HSPG2: variants seen among roughly 807,000 people sequenced by gnomAD.
HSPG2 encodes the protein heparan sulfate proteoglycan 2, also known as basement membrane-specific heparan sulfate proteoglycan core protein.
A neutral mutation model predicts 526.6 loss-of-function variants in HSPG2; 278 were observed. The observed-to-expected ratio is 0.53, with a 90% CI of 0.48 to 0.58. The LOEUF (loss-of-function observed/expected upper bound fraction) is 0.58. HSPG2 is among the 20% of genes least tolerant of loss of function. The pLI, the probability that HSPG2 is intolerant of heterozygous loss-of-function variation, is 0.00. For missense variants in HSPG2, 5,354 were observed against 6,099.5 expected, an observed-to-expected ratio of 0.88 and a Z score of 4.07; for synonymous variants, 2,465 against 2,555.4, an observed-to-expected ratio of 0.96 and a Z score of 1.07.
rs200220279 is a variant in HSPG2 at position 21,890,461 on chromosome 1, G to C, written c.379C>G (p.Pro127Ala). The C allele has an allele frequency of 1.2e-6, 2 of 1,613,844 alleles. No individual in the cohort carries two copies. Among genetic ancestry groups the C allele is most frequent in the Non-Finnish European group, 1.7e-6 (2 of 1,179,970 alleles). Reference protein sequence around the residue: ...DTLESEYLKIPGDQVVSVVFI... With the variant: ...DTLESEYLKIAGDQVVSVVFI... ...ACCACACTGACAACCTGGTCTCCGG[G>C]AATTTTCAAGTACTCCGACTCCAGC... is the stretch of plus-strand genomic sequence containing the variant. Residue 127 changes from proline to alanine, a missense_variant, in exon 5 of 97, where the codon CCC becomes GCC. Transcript: ENST00000374695. This position sits in a 1 kb window ranked among gnomAD's most constrained non-coding sequence, Gnocchi z 4.1.
At chr1:21,837,722 C>T (rs1414362672) in intron 74 of HSPG2, among the ~76,000 whole-genome samples, 1 of 152,208 alleles carries the variant, frequency 6.6e-6, no homozygotes, top group Non-Finnish European at 1.5e-5. Flanking sequence ...CTGATGCATA[C>T]TGTCCCCATT....
At chr1:21,888,719 C>T (rs1419223770) in intron 6 of HSPG2, 1 of 1,364,754 alleles carries the variant, frequency 7.3e-7, no homozygotes, top group East Asian at 4.6e-5. Flanking sequence ...GGGGTCTGTG[C>T]TGGAAAGGAA....
intron 1 of HSPG2, among the ~76,000 whole-genome samples, chr1:21,928,849 A>G (rs762690578): frequency 9.2e-5 from 14 of 151,688 alleles, no homozygotes; most frequent in Non-Finnish European, 1.8e-4. Context: ...TCCCGGGTTC[A>G]AGTGATTCTC....
In HSPG2 at chr1:21,884,582, G is replaced by A. The variant is rs201909485; in HGVS notation, c.1600C>T (p.Arg534Cys). 1.0e-4 allele frequency: 166 copies of A among 1,610,834 alleles called. No individual in the cohort carries two copies. The highest frequency in any genetic ancestry group is 1.6e-4 in the East Asian group (7 of 44,868). ...AGCCTGATCTGGTCCCGGAAGCGGC[G>A]GGTGCTCTGGCACACGCTGGTGATG... ...FGITSVCQST[R>C]RFRDQIRLRF... Residue 534 changes from arginine to cysteine, a missense_variant, in exon 13 of 97, where the codon CGC (arginine) becomes TGC (cysteine). By Grantham distance (180) the Arg-to-Cys change is radical. Transcript: ENST00000374695.
chr1:21,901,116 G>A (rs1315725763), intron 1 of HSPG2, among the ~76,000 whole-genome samples: 1 of 152,050 alleles, frequency 6.6e-6, no homozygotes, highest in African/African-American at 2.4e-5. Context: ...CTGAATTCCA[G>A]AACACATCTG....
In HSPG2 at chr1:21,884,904, C is replaced by A; in HGVS notation, c.1370G>T (p.Ser457Ile). 6.2e-7 allele frequency: 1 copy of A among 1,614,048 alleles called. No homozygotes were observed. The highest frequency in any genetic ancestry group is 1.7e-5 in the Admixed American group (1 of 60,036). ...GATCAGTGTGCCACGGCCACCCTCG[C>A]TGGTCACTGTCACCCTGGTGAGCCC... Reference protein sequence around the residue: ...IPSHPRVTVTSEGGRGTLIIR... With the variant: ...IPSHPRVTVTIEGGRGTLIIR... The change falls in exon 12 of 97, where the codon AGC becomes ATC. Residue 457 changes from serine to isoleucine, a missense_variant. Transcript: ENST00000374695.
intron 1 of HSPG2, among the ~76,000 whole-genome samples, chr1:21,902,661 C>G (rs1643163715): frequency 6.6e-6 from 1 of 152,180 alleles, no homozygotes; most frequent in Non-Finnish European, 1.5e-5. Flanking sequence ...GACCTCTGAC[C>G]CCTTGCCCTC....
intron 1 of HSPG2, chr1:21,908,382 C>T (rs1643492645): frequency 3.7e-6 from 4 of 1,072,222 alleles, no homozygotes; most frequent in African/African-American, 1.6e-5. Flanking sequence ...GTATTGAGCA[C>T]ATTAAGCACT....
intron 9 of HSPG2, among the ~76,000 whole-genome samples, chr1:21,886,877 T>G (rs1247901014): frequency 1.3e-5 from 2 of 152,022 alleles, no homozygotes; most frequent in Non-Finnish European, 2.9e-5. Context: ...CTCCTAGCCA[T>G]TCATCCGACC....
Position 21,859,327 on chromosome 1 carries a change from G to A in HSPG2, c.5293+239C>T, listed in dbSNP as rs939174309. ...CTCCCAAAGTGTTGGGATTATAGAC[G>A]TGACCCACCGTGCCCGGCCCACCCT... is the stretch of plus-strand genomic sequence containing the variant. On this transcript the variant is annotated intron_variant, in intron 42 of 96. Coordinates refer to ENST00000374695, the MANE Select transcript of HSPG2 (RefSeq NM_005529.7). The surrounding 1 kb of genome is among the most constrained non-coding windows in gnomAD (Gnocchi z 5.3). Among the ~76,000 whole-genome samples, 3 of 152,066 alleles carry A rather than the reference G, an allele frequency of 2.0e-5. No homozygotes were observed. Among genetic ancestry groups the A allele is most frequent in the African/African-American group, 4.8e-5 (2 of 41,384 alleles).
rs373557657 is a variant in HSPG2 at position 21,884,730 on chromosome 1, GC to G, written c.1507+36del. 68 of 1,611,580 alleles carry G rather than the reference GC, an allele frequency of 4.2e-5. No homozygotes were observed. The East Asian group carries it at 1.5e-3, about 35-fold the overall frequency. The stretch of plus-strand genomic sequence containing the variant: ...CGGCTGTGGTGGGCAGCCCGGCTCT[GC>G]CCCCACACCCGGTGACACCTGCCCT... On this transcript the variant is annotated intron_variant, in intron 12 of 96. Coordinates refer to ENST00000374695, the MANE Select transcript of HSPG2 (RefSeq NM_005529.7).
chr1:21,891,784 G>T (rs1480392402), intron 3 of HSPG2, among the ~76,000 whole-genome samples: 3 of 152,070 alleles, frequency 2.0e-5, no homozygotes, highest in Non-Finnish European at 4.4e-5. Flanking sequence ...CTAATGTTTT[G>T]ACTTTTGATA....
At chr1:21,878,556 G>C in intron 19 of HSPG2, 21 bp downstream of exon 19, 3 of 1,613,950 alleles carry the variant, frequency 1.9e-6, no homozygotes, top group Non-Finnish European at 2.5e-6. Context: ...CCTTCCTGCA[G>C]CCCCCAAGGC....
chr1:21,828,747 G>A lies in HSPG2; in HGVS notation c.12237+88C>T. On this transcript the variant is annotated intron_variant, in intron 88 of 96. Coordinates refer to ENST00000374695, the MANE Select transcript of HSPG2 (RefSeq NM_005529.7). The surrounding 1 kb of genome is among the most constrained non-coding windows in gnomAD (Gnocchi z 6.0). ...CCCGTGGGTGGCTGCAGGTGGAGGG[G>A]CCCAATGCCAAGGTGCTTGGAGAGC... The A allele has an allele frequency of 1.3e-6, 2 of 1,532,634 alleles. No individual in the cohort carries two copies. Among genetic ancestry groups the A allele is most frequent in the Non-Finnish European group, 1.8e-6 (2 of 1,135,154 alleles). 94.9% of individuals were successfully genotyped at this position (1,532,634 alleles called of 1,614,324 possible). A position where few individuals can be genotyped will look rare whatever the true frequency, so the allele number is the denominator to read the frequency against.
intron 1 of HSPG2, among the ~76,000 whole-genome samples, chr1:21,915,914 GGTGGT>G (rs1327545366): frequency 6.6e-6 from 1 of 151,870 alleles, no homozygotes; most frequent in Non-Finnish European, 1.5e-5. Context: ...AGCTGGGCGT[GGTGGT>G]GTGTGCCTGT....
At position 21,895,792 on chromosome 1, in the gene HSPG2, A is replaced by C; in HGVS notation, c.244+130T>G. The C allele has an allele frequency of 3.6e-6, 3 of 843,496 alleles. No homozygotes were observed. Among genetic ancestry groups the C allele is most frequent in the Non-Finnish European group, 6.0e-6 (3 of 497,226 alleles). 52.3% of individuals were successfully genotyped at this position (843,496 alleles called of 1,614,324 possible). A position where few individuals can be genotyped will look rare whatever the true frequency, so the allele number is the denominator to read the frequency against. On this transcript the variant is annotated intron_variant, in intron 3 of 96. Transcript: ENST00000374695. The surrounding 1 kb of genome is among the most constrained non-coding windows in gnomAD (Gnocchi z 4.1). ...TGCACAACTGTCACTCAGCAGGTTAAGAGATCACACCCACTTCTTCTTGCT... is the reference window on the plus strand; with the variant it reads ...TGCACAACTGTCACTCAGCAGGTTACGAGATCACACCCACTTCTTCTTGCT...
In HSPG2 at chr1:21,831,634, T is replaced by C. The variant is rs1412328038; in HGVS notation, c.11352+18A>G. 1 of 1,610,484 alleles carries C rather than the reference T, an allele frequency of 6.2e-7. No homozygotes were observed. The highest frequency in any genetic ancestry group is 2.2e-5 in the East Asian group (1 of 44,790). On this transcript the variant is annotated intron_variant, in intron 82 of 96. Transcript: ENST00000374695. ...GCGGGATGAGGGCTGGAAGTAGCAG[T>C]ATGGGGTTGGGTCTCACCTGGGAGG...
At chr1:21,869,371 G>C (rs376641699) in intron 33 of HSPG2, 1 of 790,314 alleles carries the variant, frequency 1.3e-6, no homozygotes. Flanking sequence ...AATAGTCCAA[G>C]TAGTTCACAG....
At position 21,836,895 on chromosome 1, in the gene HSPG2, C is replaced by T. The variant is rs1312157443; in HGVS notation, c.10262G>A (p.Cys3421Tyr). ...GGTACCCCGGTCGCTGGGCACAGCA[C>T]AGTGGAACTCAACGCTGGCCCCAAT... ...KSIGASVEFH[C>Y]AVPSDRGTQL... Residue 3421 changes from cysteine (C) to tyrosine (Y), a missense_variant, in exon 75 of 97, where the codon TGT becomes TAT. Transcript: ENST00000374695. The T allele has an allele frequency of 1.3e-6, 2 of 1,569,174 alleles. No individual in the cohort carries two copies. The highest frequency in any genetic ancestry group is 1.7e-6 in the Non-Finnish European group (2 of 1,156,852).
Sources: gnomAD v4.1 joint callset for allele counts (sites outside exome capture counted in the v4.1 genomes callset) on GRCh38, gnomAD v4.1.1 for gene constraint, Gnocchi (gnomAD v3.1) non-coding constraint, MANE v1.5 for transcripts, NCBI Gene and HGNC (gene_info 2026-07-23, HGNC 2026-07-21) for gene names.